PSMD14: variants seen among roughly 807,000 people sequenced by gnomAD.
PSMD14 encodes proteasome 26S subunit, non-ATPase 14, also known as ubiquitin C-terminal hydrolase PSMD14.
A neutral mutation model predicts 41.2 loss-of-function variants in PSMD14; 7 were observed. The observed-to-expected ratio is 0.17, with a 90% CI of 0.10 to 0.32. PSMD14 has a LOEUF of 0.32. Ranked by LOEUF, PSMD14 falls within the 10% of genes least tolerant of loss-of-function variation. The pLI is 1.00. For synonymous variants in PSMD14, 114 were observed against 122.3 expected (o/e 0.93, Z 0.45); for missense variants, 139 against 375.6 (o/e 0.37, Z 5.21).
intron 3 of PSMD14, among the ~76,000 whole-genome samples, chr2:161,324,502 A>G (rs1046307068): frequency 1.3e-5 from 2 of 152,198 alleles, no homozygotes; most frequent in African/African-American, 2.4e-5. Context: ...GAATAGATAC[A>G]TAAGAAAATA....
intron 3 of PSMD14, among the ~76,000 whole-genome samples, chr2:161,360,504 G>C (rs371726375): frequency 1.3e-5 from 2 of 151,858 alleles, no homozygotes; most frequent in African/African-American, 4.8e-5. Flanking sequence ...ATAGGTACCC[G>C]CCACCATGCC....
intron 3 of PSMD14, among the ~76,000 whole-genome samples, chr2:161,366,027 A>G (rs1683352833): frequency 6.6e-6 from 1 of 152,186 alleles, no homozygotes; most frequent in Admixed American, 6.5e-5. Flanking sequence ...AAGTGAAATG[A>G]GTAAAATTAT....
intron 1 of PSMD14, among the ~76,000 whole-genome samples, chr2:161,316,133 T>G (rs1689145665): frequency 6.6e-6 from 1 of 152,174 alleles, no homozygotes; most frequent in African/African-American, 2.4e-5. Context: ...CGTGAGCCAC[T>G]GCGCCCAGCC....
In PSMD14 at chr2:161,358,234, T is replaced by A. The variant is rs1165634371; in HGVS notation, c.49-9244T>A. 1.3e-5 allele frequency among the ~76,000 whole-genome samples: 2 copies of A among 152,162 alleles called. 1 individual carries two copies. The highest frequency in any genetic ancestry group is 2.9e-5 in the Non-Finnish European group (2 of 68,010). The stretch of plus-strand genomic sequence containing the variant: ...ATTGAAGTGATTGACACTCTGTAAA[T>A]CCAGGTCTTTTTTAGTCCTATAAAT... On this transcript the variant is annotated intron_variant, in intron 3 of 11. Coordinates refer to ENST00000409682, the MANE Select transcript of PSMD14 (RefSeq NM_005805.6).
intron 3 of PSMD14, among the ~76,000 whole-genome samples, chr2:161,360,080 A>G (rs919806770): frequency 7.9e-5 from 12 of 152,160 alleles, no homozygotes; most frequent in Non-Finnish European, 1.6e-4. Flanking sequence ...AGAGCCTGAA[A>G]AATTCCAGAT....
chr2:161,395,520 C>T (rs1161107702), intron 10 of PSMD14, among the ~76,000 whole-genome samples: 1 of 152,124 alleles, frequency 6.6e-6, no homozygotes, highest in East Asian at 1.9e-4. Flanking sequence ...GAAATCTCTT[C>T]ATTATTTAGG....
intron 3 of PSMD14, among the ~76,000 whole-genome samples, chr2:161,360,827 C>T (rs574710793): frequency 2.6e-5 from 4 of 152,300 alleles, no homozygotes; most frequent in East Asian, 3.9e-4. Flanking sequence ...TGAGCCACCA[C>T]GCCTGGCCTT....
intron 7 of PSMD14, among the ~76,000 whole-genome samples, chr2:161,380,008 A>C (rs546866590): frequency 6.6e-6 from 1 of 152,050 alleles, no homozygotes; most frequent in Non-Finnish European, 1.5e-5. Context: ...TGAGTCAGTC[A>C]TGCGCTCCAC....
intron 3 of PSMD14, among the ~76,000 whole-genome samples, chr2:161,356,615 T>G (rs1252354153): frequency 6.6e-6 from 1 of 152,100 alleles, no homozygotes; most frequent in Non-Finnish European, 1.5e-5. Flanking sequence ...CACCTTCATT[T>G]GTTCCTAAAG....
intron 7 of PSMD14, chr2:161,384,644 T>C (rs996716397): frequency 6.6e-6 from 1 of 151,808 alleles, no homozygotes; most frequent in Non-Finnish European, 1.5e-5. Context: ...TAAAGTCACA[T>C]GACTTTACAT....
Position 161,309,878 on chromosome 2 carries a change from G to A in PSMD14, c.-138+1274G>A, listed in dbSNP as rs753763543. Among the ~76,000 whole-genome samples the A allele has an allele frequency of 5.0e-4, 76 of 151,972 alleles. 1 individual carries two copies. The highest frequency in any genetic ancestry group is 6.8e-4 in the Non-Finnish European group (46 of 67,974). ...ATACATTGCCATTTTAATTTAGGCC[G>A]GGTGCGGTGGCTCACACCTGTAATC... On this transcript the variant is annotated intron_variant, in intron 1 of 11. Transcript: ENST00000409682.
chr2:161,359,104 G>T (rs1045891209), intron 3 of PSMD14, among the ~76,000 whole-genome samples: 2 of 151,938 alleles, frequency 1.3e-5, no homozygotes, highest in Admixed American at 6.6e-5. Context: ...GAGTAGCTGG[G>T]AATACAGGCA....
At chr2:161,327,946 C>CTGTGTGTGTGTGTATG (rs1553503772) in intron 3 of PSMD14, among the ~76,000 whole-genome samples, 1 of 117,116 alleles carries the variant, frequency 8.5e-6, no homozygotes, top group East Asian at 2.9e-4. Flanking sequence ...CTCATGTAAG[C>CTGTGTGTGTGTGTATG]TGTGTGTGTG....
chr2:161,408,669 G>T lies in PSMD14; in HGVS notation c.772-168G>T, dbSNP rs1574145548. 26 of 539,152 alleles carry T rather than the reference G, an allele frequency of 4.8e-5. No homozygotes were observed. The East Asian group carries it at 8.1e-4, about 17-fold the overall frequency. The allele number at this position is 539,152 out of a possible 1,614,324, so 33.4% of individuals were successfully genotyped here. ...AATGATGATGCTGATAGTTTTTATT[G>T]CCCTGAAGGTTATTCTGAAGTTTAG... On this transcript the variant is annotated intron_variant, in intron 10 of 11. Transcript: ENST00000409682.
At chr2:161,331,835 A>G (rs562709874) in intron 3 of PSMD14, among the ~76,000 whole-genome samples, 3 of 152,344 alleles carry the variant, frequency 2.0e-5, no homozygotes, top group African/African-American at 4.8e-5. Context: ...TTATTCTGAT[A>G]TGAAGTATTT....
intron 3 of PSMD14, among the ~76,000 whole-genome samples, chr2:161,353,830 A>T (rs902227064): frequency 2.0e-5 from 3 of 152,190 alleles, no homozygotes; most frequent in Non-Finnish European, 4.4e-5. Flanking sequence ...GAATAAATAA[A>T]AACGTAGATT....
chr2:161,348,160 A>G (rs1449972855), intron 3 of PSMD14, among the ~76,000 whole-genome samples: 1 of 152,222 alleles, frequency 6.6e-6, no homozygotes, highest in Non-Finnish European at 1.5e-5. Context: ...ACAACCCAGC[A>G]AATCTTCTCC....
At chr2:161,336,597 A>G (rs1682874085) in intron 3 of PSMD14, among the ~76,000 whole-genome samples, 1 of 151,990 alleles carries the variant, frequency 6.6e-6, no homozygotes, top group South Asian at 2.1e-4. Flanking sequence ...TTATTTTGAG[A>G]CGGAATCTTG....
chr2:161,361,409 G>A (rs1300050441), intron 3 of PSMD14, among the ~76,000 whole-genome samples: 1 of 151,658 alleles, frequency 6.6e-6, no homozygotes, highest in Non-Finnish European at 1.5e-5. Flanking sequence ...CAGCCTCAGA[G>A]CCAAATGTTT....
Sources: allele counts gnomAD v4.1 joint callset (sites outside exome capture counted in the v4.1 genomes callset), GRCh38; gene constraint gnomAD v4.1.1; transcripts MANE v1.5; gene names NCBI Gene and HGNC (gene_info 2026-07-23, HGNC 2026-07-21).